Variants in KLRD1 observed in about 807,000 individuals in gnomAD.
KLRD1 encodes natural killer cells antigen CD94.
A neutral mutation model predicts 22.6 loss-of-function variants in KLRD1; 21 were observed. The observed-to-expected ratio is 0.93, with a 90% CI of 0.66 to 1.34. The LOEUF is 1.34. Among genes scored for constraint, KLRD1 ranks in the 40% most tolerant of loss-of-function variants. KLRD1 has a pLI of 0.00. For synonymous variants in KLRD1, 59 were observed against 71.1 expected, an observed-to-expected ratio of 0.83 and a Z score of 0.85; for missense variants, 183 against 208.6, an observed-to-expected ratio of 0.88 and a Z score of 0.76.
chr12:10,312,401 T>C (rs1389114918), intron 4 of KLRD1, among the ~76,000 whole-genome samples: 9 of 143,564 alleles, frequency 6.3e-5, no homozygotes, highest in Admixed American at 3.5e-4. Context: ...TTGTTTGAGA[T>C]GGAGTCTCGC....
intron 5 of KLRD1, 137 bp from the exon 6 acceptor site, chr12:10,314,536 G>T: frequency 1.6e-6 from 1 of 608,694 alleles, no homozygotes; most frequent in Non-Finnish European, 2.6e-6. Context: ...TGAAAATTGT[G>T]GTTACTGAAA....
At chr12:10,249,608 A>G (rs886493439) in intron 1 of KLRD1, among the ~76,000 whole-genome samples, 3 of 152,230 alleles carry the variant, frequency 2.0e-5, no homozygotes, top group Non-Finnish European at 2.9e-5. Context: ...ACGGTTTGCA[A>G]CCAGTGGAGA....
At chr12:10,239,044 G>T (rs1949209119) in intron 1 of KLRD1, among the ~76,000 whole-genome samples, 1 of 152,194 alleles carries the variant, frequency 6.6e-6, no homozygotes, top group African/African-American at 2.4e-5. Flanking sequence ...TAAAAAGCCA[G>T]AATGAGGGGA....
intron 1 of KLRD1, among the ~76,000 whole-genome samples, chr12:10,242,289 A>G (rs1045258847): frequency 6.6e-6 from 1 of 152,058 alleles, no homozygotes; most frequent in African/African-American, 2.4e-5. Context: ...ATACATTTAT[A>G]ATTTTTCTTT....
Position 10,298,548 on chromosome 12 carries a change from G to A in KLRD1, c.-100-9430G>A, listed in dbSNP as rs1949841146. 3.3e-5 allele frequency among the ~76,000 whole-genome samples: 5 copies of A among 152,208 alleles called. No individual in the cohort carries two copies. The South Asian group carries it at 1.0e-3, about 32-fold the overall frequency. ...ACTGGCCATAAACAAAATATCTGCA[G>A]CACTGTGACATGCTCGTGATGGCCT... is the stretch of plus-strand genomic sequence containing the variant. On this transcript the variant is annotated intron_variant, in intron 1 of 5. Transcript: ENST00000544747.
intron 1 of KLRD1, among the ~76,000 whole-genome samples, chr12:10,250,200 G>C (rs1422256046): frequency 2.9e-5 from 2 of 67,942 alleles, no homozygotes; most frequent in Non-Finnish European, 5.2e-5. Flanking sequence ...ATAACGTTTT[G>C]CTTTTTTTTT....
At chr12:10,284,234 A>G (rs1045197869) in intron 1 of KLRD1, among the ~76,000 whole-genome samples, 1 of 152,168 alleles carries the variant, frequency 6.6e-6, no homozygotes, top group Admixed American at 6.5e-5. Context: ...AGACTTGTTA[A>G]CACAATATTC....
At chr12:10,251,591 TTATTTC>T (rs1263950131) in intron 1 of KLRD1, among the ~76,000 whole-genome samples, 1 of 152,080 alleles carries the variant, frequency 6.6e-6, no homozygotes, top group African/African-American at 2.4e-5. Flanking sequence ...ATTGTGCACT[TTATTTC>T]TATTATTATT....
intron 1 of KLRD1, among the ~76,000 whole-genome samples, chr12:10,289,843 G>A (rs1388226800): frequency 2.0e-5 from 3 of 152,094 alleles, no homozygotes; most frequent in Non-Finnish European, 4.4e-5. Flanking sequence ...CAGTGGTGCA[G>A]TCTTGGCTCA....
At chr12:10,253,237 C>A (rs1041155826) in intron 1 of KLRD1, among the ~76,000 whole-genome samples, 1 of 152,016 alleles carries the variant, frequency 6.6e-6, no homozygotes, top group African/African-American at 2.4e-5. Context: ...ATACTTTTTG[C>A]CCCCTCCTAT....
chr12:10,273,420 A>G (rs1474677378), intron 1 of KLRD1, among the ~76,000 whole-genome samples: 1 of 152,218 alleles, frequency 6.6e-6, no homozygotes, highest in East Asian at 1.9e-4. Context: ...TTAAATTTGT[A>G]TTTTTCATAT....
chr12:10,312,900 T>C (rs898448124), intron 4 of KLRD1, among the ~76,000 whole-genome samples: 1 of 151,134 alleles, frequency 6.6e-6, no homozygotes, highest in African/African-American at 2.4e-5. Context: ...GGCAGGAGAA[T>C]GGCGTGAACC....
chr12:10,329,015 C>G lies in KLRD1; in HGVS notation c.*14222C>G, dbSNP rs922346981. 6.6e-6 allele frequency: 1 copy of G among 152,172 alleles called. No individual in the cohort carries two copies. Among genetic ancestry groups the G allele is most frequent in the Non-Finnish European group, 1.5e-5 (1 of 68,028 alleles). The allele number at this position is 152,172 out of a possible 1,614,324, so 9.4% of individuals were successfully genotyped here. On this transcript the variant is annotated 3_prime_UTR_variant, in exon 6 of 6. Transcript: ENST00000336164. The stretch of plus-strand genomic sequence containing the variant: ...ATGATTCAATTATCTCCCACTGGGT[C>G]CCTCCACCAACATGGGGGAATTATG...
intron 1 of KLRD1, among the ~76,000 whole-genome samples, chr12:10,261,037 G>A (rs1305654814): frequency 6.6e-6 from 1 of 152,086 alleles, no homozygotes; most frequent in Non-Finnish European, 1.5e-5. Flanking sequence ...TGCTCTTTAT[G>A]TGCATTTTTT....
intron 1 of KLRD1, among the ~76,000 whole-genome samples, chr12:10,254,208 C>G (rs1949370947): frequency 6.6e-6 from 1 of 151,920 alleles, no homozygotes; most frequent in South Asian, 2.1e-4. Context: ...ACGGGTGGAT[C>G]ACGAGGTCAG....
chr12:10,252,975 T>G (rs796204701), intron 1 of KLRD1, among the ~76,000 whole-genome samples: 2 of 147,934 alleles, frequency 1.4e-5, no homozygotes, highest in African/African-American at 5.0e-5. Context: ...AAAAAAAAGA[T>G]GAATAATTTA....
At chr12:10,290,205 T>C (rs770168470) in intron 1 of KLRD1, among the ~76,000 whole-genome samples, 1 of 152,260 alleles carries the variant, frequency 6.6e-6, no homozygotes, top group Non-Finnish European at 1.5e-5. Flanking sequence ...TAAAATGGTA[T>C]GTTGAATAAG....
At chr12:10,269,325 A>G (rs778156836) in intron 1 of KLRD1, among the ~76,000 whole-genome samples, 16 of 151,464 alleles carry the variant, frequency 1.1e-4, no homozygotes, top group Non-Finnish European at 2.2e-4. Context: ...TAATTTTTCT[A>G]TTTTTAGTAG....
At position 10,309,397 on chromosome 12, in the gene KLRD1, C is replaced by A; in HGVS notation, c.17C>A (p.Thr6Asn). The A allele has an allele frequency of 1.4e-6, 2 of 1,469,102 alleles. No homozygotes were observed. Among genetic ancestry groups the A allele is most frequent in the Non-Finnish European group, 1.9e-6 (2 of 1,047,596 alleles). 91.0% of individuals were successfully genotyped at this position (1,469,102 alleles called of 1,614,324 possible). MAVFK[T>N]TLWRLISGTL... ...CTGTCTTTCTCTACAGTGTTTAAGA[C>A]CACTCTGTGGAGGTTAATTTCTGGG... Residue 6 changes from threonine to asparagine, a missense_variant, in exon 2 of 6, where the codon ACC (threonine) becomes AAC (asparagine). Physicochemically the swap from Thr to Asn is moderately conservative, Grantham distance 65 (BLOSUM62 0). Transcript: ENST00000336164.
Sources: allele counts gnomAD v4.1 joint callset (sites outside exome capture counted in the v4.1 genomes callset), GRCh38; gene constraint gnomAD v4.1.1; transcripts MANE v1.5; gene names NCBI Gene and HGNC (gene_info 2026-07-23, HGNC 2026-07-21).